NCOR1: variants seen among roughly 807,000 people sequenced by gnomAD.
NCOR1 encodes the protein protein phosphatase 1, regulatory subunit 109.
Under a neutral mutation model 288.1 loss-of-function variants are expected in NCOR1, and 63 were observed. The observed-to-expected ratio is 0.22, with a 90% CI of 0.18 to 0.27. NCOR1 has a LOEUF of 0.27. NCOR1 is among the 10% of genes least tolerant of loss of function. The pLI is 1.00. For missense variants in NCOR1, 2,397 were observed against 3,019.2 expected, an observed-to-expected ratio of 0.79 and a Z score of 4.83; for synonymous variants, 1,007 against 1,065.9, an observed-to-expected ratio of 0.94 and a Z score of 1.08.
At chr17:16,070,898 A>T (rs1220328214) in intron 30 of NCOR1, among the ~76,000 whole-genome samples, 1 of 152,122 alleles carries the variant, frequency 6.6e-6, no homozygotes, top group East Asian at 1.9e-4. Context: ...GCGTGGTGGC[A>T]GGTACCTGTA....
intron 21 of NCOR1, among the ~76,000 whole-genome samples, chr17:16,094,134 G>A (rs1425133310): frequency 4.0e-5 from 6 of 151,834 alleles, no homozygotes; most frequent in African/African-American, 1.2e-4. Context: ...GAACTCCTGC[G>A]GTCAAGTGAT....
intron 22 of NCOR1, among the ~76,000 whole-genome samples, chr17:16,090,995 C>G (rs1207908448): frequency 6.6e-6 from 1 of 152,172 alleles, no homozygotes; most frequent in Non-Finnish European, 1.5e-5. Context: ...TAAACTCATT[C>G]TTAACCAGAA....
At chr17:16,160,488 A>G (rs888462682) in intron 5 of NCOR1, among the ~76,000 whole-genome samples, 2 of 152,174 alleles carry the variant, frequency 1.3e-5, no homozygotes, top group African/African-American at 4.8e-5. Context: ...AAAATTATCT[A>G]TACTACTAAA....
chr17:16,067,392 GA>G (rs886190802), intron 32 of NCOR1, among the ~76,000 whole-genome samples: 5 of 151,970 alleles, frequency 3.3e-5, no homozygotes, highest in African/African-American at 9.7e-5. Flanking sequence ...TCAAAGGCTG[GA>G]AAAAAAATCT....
At chr17:16,106,102 A>AAAAC (rs370447259) in intron 19 of NCOR1, among the ~76,000 whole-genome samples, 2 of 152,140 alleles carry the variant, frequency 1.3e-5, no homozygotes, top group South Asian at 2.1e-4. Flanking sequence ...CTCCATCTCT[A>AAAAC]AAACAAACAA....
chr17:16,112,890 C>G (rs561226365), intron 18 of NCOR1, among the ~76,000 whole-genome samples: 13 of 152,132 alleles, frequency 8.5e-5, no homozygotes, highest in African/African-American at 2.4e-4. Context: ...TTATTAAAAA[C>G]AATATAAACT....
chr17:16,033,985 C>T (rs894592890), intron 45 of NCOR1, among the ~76,000 whole-genome samples: 2 of 152,104 alleles, frequency 1.3e-5, no homozygotes, highest in South Asian at 2.1e-4. Context: ...CATGAGCCAC[C>T]GCGCCCAGCT....
Position 16,048,880 on chromosome 17 carries a change from G to A in NCOR1, c.6501C>T (p.Leu2167=), listed in dbSNP as rs747250940. 6.2e-6 allele frequency: 10 copies of A among 1,613,658 alleles called. No homozygotes were observed. The highest frequency in any genetic ancestry group is 8.5e-6 in the Non-Finnish European group (10 of 1,179,806). ...CAGGCTCTGCGCCCCTCTGAGACAA[G>A]AGCAGCAAGCTGTCCTGTTTCTCAT... ...VVHEKQDSLL[L]LSQRGAEPAE... Residue 2167 remains leucine (L), a synonymous_variant, in exon 41 of 46, where the codon CTC becomes CTT. Transcript: ENST00000268712.
In NCOR1 at chr17:16,105,289, C is replaced by T. The variant is rs73280240; in HGVS notation, c.2182+3497G>A. On this transcript the variant is annotated intron_variant, in intron 19 of 45. Transcript: ENST00000268712. ...TACATTAGTCAGGTGTGGTGGTACA[C>T]GCCTATGGTCCCAGATACTTGGGGG... Among the ~76,000 whole-genome samples, 577 of 152,200 alleles carry T rather than the reference C, an allele frequency of 3.8e-3. 3 individuals are homozygous for T. The highest frequency in any genetic ancestry group is 0.013 in the African/African-American group (557 of 41,536).
chr17:16,164,526 A>G (rs556506658), intron 5 of NCOR1, among the ~76,000 whole-genome samples: 5 of 152,320 alleles, frequency 3.3e-5, no homozygotes, highest in South Asian at 2.1e-4. Context: ...TGAAAAAACG[A>G]TATCAAGCAA....
chr17:16,108,669 C>A (rs1282805890), intron 19 of NCOR1, 117 bp downstream of exon 19: 6 of 791,684 alleles, frequency 7.6e-6, no homozygotes, highest in Non-Finnish European at 9.5e-6. Flanking sequence ...AGTCTCCACA[C>A]CATGAAAACA....
chr17:16,065,773 T>C (rs1051803851), intron 32 of NCOR1, 79 bp from the exon 33 acceptor site: 20 of 1,293,274 alleles, frequency 1.5e-5, no homozygotes, highest in Non-Finnish European at 2.1e-5. Flanking sequence ...TACAAAAGAG[T>C]AGAGAAAAAT....
Position 16,101,540 on chromosome 17 carries a change from C to T in NCOR1, c.2400G>A (p.Gln800=). ...AACCCTCTTCAGCACTGTGCTCCTG[C>T]TGATCTACATCCATCTGCTCTGCTG... The part of the protein sequence containing the change: ...AETAEQMDVD[Q]QEHSAEEGSV... The change falls in exon 20 of 46, where the codon CAG becomes CAA. Residue 800 remains glutamine (Q), a synonymous_variant. Transcript: ENST00000268712. 1.2e-6 allele frequency: 2 copies of T among 1,614,172 alleles called. No individual in the cohort carries two copies. Among genetic ancestry groups the T allele is most frequent in the Non-Finnish European group, 1.7e-6 (2 of 1,179,992 alleles).
intron 42 of NCOR1, 92 bp from the exon 43 acceptor site, chr17:16,040,586 T>A: frequency 9.3e-7 from 1 of 1,070,254 alleles, no homozygotes; most frequent in Non-Finnish European, 1.4e-6. Context: ...AAAATTAATC[T>A]TTTTATTTTT....
At chr17:16,123,524 T>C (rs1023254515) in intron 15 of NCOR1, among the ~76,000 whole-genome samples, 5 of 152,176 alleles carry the variant, frequency 3.3e-5, no homozygotes, top group African/African-American at 1.2e-4. Flanking sequence ...TTTCTAACTA[T>C]TCCCAGACAG....
intron 30 of NCOR1, 42 bp downstream of exon 30, chr17:16,071,367 A>C: frequency 6.3e-7 from 1 of 1,585,692 alleles, no homozygotes; most frequent in Non-Finnish European, 8.6e-7. Flanking sequence ...TAAATGTTCC[A>C]TAAATATCAG....
At chr17:16,112,296 C>T (rs1484278647) in intron 18 of NCOR1, among the ~76,000 whole-genome samples, 1 of 152,184 alleles carries the variant, frequency 6.6e-6, no homozygotes, top group Non-Finnish European at 1.5e-5. Flanking sequence ...TTGGTTGCTA[C>T]AGCATATTTT....
intron 21 of NCOR1, among the ~76,000 whole-genome samples, chr17:16,092,687 ATATATATATTTTTTTTTTTT>A (rs1173858192): frequency 1.7e-4 from 2 of 11,552 alleles, no homozygotes; most frequent in South Asian, 5.7e-3. Context: ...ATATATATAT[ATATATATATTTTTTTTTTTT>A]TTTTTTTTTA....
chr17:16,187,776 G>A (rs1226111628), intron 2 of NCOR1, among the ~76,000 whole-genome samples: 1 of 151,714 alleles, frequency 6.6e-6, no homozygotes, highest in Non-Finnish European at 1.5e-5. Flanking sequence ...GGGCATTGTG[G>A]CACGTCCCGG....
Sources: gnomAD v4.1 joint callset for allele counts (sites outside exome capture counted in the v4.1 genomes callset) on GRCh38, gnomAD v4.1.1 for gene constraint, MANE v1.5 for transcripts, NCBI Gene and HGNC (gene_info 2026-07-23, HGNC 2026-07-21) for gene names.